Variants in RERE observed in about 807,000 individuals in gnomAD.
RERE encodes the protein arginine-glutamic acid dipeptide repeats protein.
RERE carries 40 observed loss-of-function variants against 146.1 expected under a neutral mutation model. That is an observed-to-expected ratio of 0.27 (90% CI 0.21 to 0.36). The LOEUF (loss-of-function observed/expected upper bound fraction) is 0.36. Among genes scored for constraint, RERE ranks in the 10% least tolerant of loss-of-function variants. The probability of loss-of-function intolerance (pLI) is 1.00; values close to 1 mark genes in which losing one functional copy is unlikely to be tolerated. For missense variants in RERE, 1,933 were observed against 2,138.7 expected (o/e 0.90, Z 1.90); for synonymous variants, 1,003 against 866.0 (o/e 1.16, Z -2.78).
chr1:8,461,853 A>AT (rs901694575), intron 11 of RERE, among the ~76,000 whole-genome samples: 1 of 151,654 alleles, frequency 6.6e-6, no homozygotes, highest in Non-Finnish European at 1.5e-5. Flanking sequence ...TATTATTATT[A>AT]TTTTTTTTGG....
At position 8,682,481 on chromosome 1, in the gene RERE, T is replaced by C. The variant is rs560508168; in HGVS notation, c.-144-26040A>G. On this transcript the variant is annotated intron_variant, in intron 1 of 22. Transcript: ENST00000400908. ...TGGGCACTGTTGTTGTTGTATGACA[T>C]TAATTATCTGTCCAGTTCAGTTTTA... Among the ~76,000 whole-genome samples, 3 of 152,344 alleles carry C rather than the reference T, an allele frequency of 2.0e-5. No homozygotes were observed. The East Asian group carries it at 5.8e-4, about 29-fold the overall frequency.
chr1:8,527,981 A>T (rs74361836), intron 7 of RERE, among the ~76,000 whole-genome samples: 1,648 of 152,268 alleles, frequency 0.011, 27 homozygotes, highest in African/African-American at 0.038. Context: ...GGGGAACTGC[A>T]CCTCTCTTAT....
At chr1:8,425,755 G>GT (rs1342631131) in intron 11 of RERE, 1 of 152,280 alleles carries the variant, frequency 6.6e-6, no homozygotes, top group Admixed American at 6.5e-5. Flanking sequence ...GAACATCAGG[G>GT]TAAGGTGGCA....
In RERE at chr1:8,656,237, G is replaced by C. The variant is rs1407236492; in HGVS notation, c.61C>G (p.Arg21Gly). ...GCTTTGTCTCTTTTCTCTCTCTCTCGGTCCCGGTCTCGGTCCCGGTCCTTC... is the reference window on the plus strand; with the variant it reads ...GCTTTGTCTCTTTTCTCTCTCTCTCCGTCCCGGTCTCGGTCCCGGTCCTTC... Reference protein sequence around the residue: ...KEKDRDRDRDREREKRDKARE... With the variant: ...KEKDRDRDRDGEREKRDKARE... The change falls in exon 2 of 23, where the codon CGA (arginine) becomes GGA (glycine). Residue 21 changes from arginine (R) to glycine (G), a missense_variant. By Grantham distance (125) the Arg-to-Gly change is moderately radical. Coordinates refer to ENST00000400908, the MANE Select transcript of RERE (RefSeq NM_001042681.2). The C allele has an allele frequency of 2.5e-6, 4 of 1,611,024 alleles. No individual in the cohort carries two copies. In the South Asian group the frequency reaches 4.4e-5, roughly 18 times the overall value.
At chr1:8,434,656 G>A (rs532814755) in intron 11 of RERE, 4 of 152,302 alleles carry the variant, frequency 2.6e-5, no homozygotes, top group African/African-American at 9.6e-5. Flanking sequence ...GATACCAGGT[G>A]ACTTCTAAGA....
chr1:8,501,120 G>A (rs1318837243), intron 8 of RERE, among the ~76,000 whole-genome samples: 1 of 147,730 alleles, frequency 6.8e-6, no homozygotes, highest in East Asian at 2.1e-4. Context: ...ACTGGGAAGT[G>A]AGGAGCCCCT....
intron 12 of RERE, among the ~76,000 whole-genome samples, chr1:8,403,292 C>A (rs890344672): frequency 5.3e-5 from 8 of 152,134 alleles, no homozygotes; most frequent in Admixed American, 3.3e-4. Context: ...AATTTCCTAT[C>A]ATAAAACTTT....
chr1:8,380,344 T>C (rs1368749896), intron 12 of RERE, among the ~76,000 whole-genome samples: 1 of 145,130 alleles, frequency 6.9e-6, no homozygotes, highest in Admixed American at 6.7e-5. Context: ...AACAGGCTTT[T>C]TTTTTTTTTT....
At chr1:8,359,441 C>T (rs1641458196) in intron 19 of RERE, among the ~76,000 whole-genome samples, 1 of 152,212 alleles carries the variant, frequency 6.6e-6, no homozygotes, top group Admixed American at 6.5e-5. Context: ...TTGTGCTTCT[C>T]CCCGACTCCT....
chr1:8,691,864 T>C (rs1413850896), intron 1 of RERE, among the ~76,000 whole-genome samples: 2 of 152,210 alleles, frequency 1.3e-5, no homozygotes, highest in Non-Finnish European at 2.9e-5. Flanking sequence ...TAGCTTACCC[T>C]GGAAGTAGTT....
chr1:8,410,271 T>A (rs542033390), intron 12 of RERE, among the ~76,000 whole-genome samples: 16 of 152,208 alleles, frequency 1.1e-4, no homozygotes, highest in Admixed American at 3.9e-4. Flanking sequence ...TTTGTAGACA[T>A]CAATTTTTAC....
intron 12 of RERE, among the ~76,000 whole-genome samples, chr1:8,374,656 CA>C (rs760061634): frequency 7.9e-5 from 12 of 152,354 alleles, no homozygotes; most frequent in Non-Finnish European, 1.3e-4. Context: ...ACTTCTTCTC[CA>C]AACGGTCAAA....
At chr1:8,550,423 A>C (rs1645919254) in intron 6 of RERE, among the ~76,000 whole-genome samples, 1 of 152,248 alleles carries the variant, frequency 6.6e-6, no homozygotes, top group South Asian at 2.1e-4. Flanking sequence ...CACATATAAA[A>C]ACAACTGTAG....
Position 8,516,227 on chromosome 1 carries a change from GAAAAAAA to G in RERE, c.831-7559_831-7553del, listed in dbSNP as rs58064164. ...GGGACGGAGCAAGACTCTCTCAGAG[GAAAAAAA>G]AAAAAAAAAAAAAAATCTAGGTGTA... On this transcript the variant is annotated intron_variant, in intron 7 of 22. Transcript: ENST00000400908. 4.3e-3 allele frequency among the ~76,000 whole-genome samples: 227 copies of G among 52,322 alleles called. 7 individuals are homozygous for G. Among genetic ancestry groups the G allele is most frequent in the African/African-American group, 0.019 (216 of 11,642 alleles). The allele number at this position is 52,322 out of a possible 152,430, so 34.3% of individuals were successfully genotyped here.
In RERE at chr1:8,679,453, A is replaced by G. The variant is rs113480702; in HGVS notation, c.-144-23012T>C. Among the ~76,000 whole-genome samples, 621 of 152,304 alleles carry G rather than the reference A, an allele frequency of 4.1e-3. 1 individual carries two copies. Among genetic ancestry groups the G allele is most frequent in the Non-Finnish European group, 7.2e-3 (489 of 68,016 alleles). On this transcript the variant is annotated intron_variant, in intron 1 of 22. Transcript: ENST00000400908. ...AAGTTTTAGAATCACAGGTTCCATT[A>G]TCTTACACCGTCAGCACTCTTCCTT...
At position 8,495,163 on chromosome 1, in the gene RERE, C is replaced by T; in HGVS notation, c.1005-1G>A. On this transcript the variant is annotated splice_acceptor_variant, in intron 9 of 22. Transcript: ENST00000400908. LOFTEE classifies it high-confidence loss of function. ...CATTCCTGCAAATGCCGCCATGCTC[C>T]TTCAGAAGAAAAGGTTTTTCCTTTA... 6.2e-7 allele frequency: 1 copy of T among 1,611,994 alleles called. No homozygotes were observed. Among genetic ancestry groups the T allele is most frequent in the Non-Finnish European group, 8.5e-7 (1 of 1,178,166 alleles).
At chr1:8,522,777 G>A (rs1645518466) in intron 7 of RERE, among the ~76,000 whole-genome samples, 2 of 152,098 alleles carry the variant, frequency 1.3e-5, no homozygotes, top group Admixed American at 1.3e-4. Flanking sequence ...GGAGGCTGAG[G>A]CAGGCAAATC....
At position 8,656,123 on chromosome 1, in the gene RERE, C is replaced by T. The variant is rs1638284929; in HGVS notation, c.175G>A (p.Glu59Lys). 3 of 1,613,872 alleles carry T rather than the reference C, an allele frequency of 1.9e-6. No individual in the cohort carries two copies. Among genetic ancestry groups the T allele is most frequent in the African/African-American group, 1.3e-5 (1 of 74,894 alleles). ...GTGGCACTATTGTTGTCATTGTCCT[C>T]GTCTTCACTGTGATCACTCTCAGCA... The part of the protein sequence containing the change: ...NYAESDHSED[E>K]DNDNNSATAE... The change falls in exon 2 of 23, where the codon GAG (glutamate) becomes AAG (lysine). Residue 59 changes from glutamate (E) to lysine (K), a missense_variant. Glu to Lys is a moderately conservative substitution (Grantham distance 56). Transcript: ENST00000400908.
At chr1:8,716,683 C>T (rs1000089645) in intron 1 of RERE, among the ~76,000 whole-genome samples, 2 of 151,772 alleles carry the variant, frequency 1.3e-5, no homozygotes, top group Admixed American at 1.3e-4. Flanking sequence ...AAAAAAAAAT[C>T]ATATGAAATT....
Sources: gnomAD v4.1 joint callset for allele counts (sites outside exome capture counted in the v4.1 genomes callset) on GRCh38, gnomAD v4.1.1 for gene constraint, MANE v1.5 for transcripts, NCBI Gene and HGNC (gene_info 2026-07-23, HGNC 2026-07-21) for gene names.